MICU3: variants seen among roughly 807,000 people sequenced by gnomAD.
MICU3 encodes the protein mitochondrial calcium uptake 3.
MICU3 carries 62 observed loss-of-function variants against 66.5 expected under a neutral mutation model. That is an observed-to-expected ratio of 0.93 (90% CI 0.76 to 1.15). The LOEUF (loss-of-function observed/expected upper bound fraction) is 1.15. Ranked by LOEUF, MICU3 falls within the 50% of genes most tolerant of loss-of-function variation. The pLI is 0.00. For synonymous variants in MICU3, 308 were observed against 240.7 expected (o/e 1.28, Z -2.59); for missense variants, 779 against 664.4 (o/e 1.17, Z -1.90).
the MICU3 span, among the ~76,000 whole-genome samples, chr8:17,138,155 T>C: frequency 6.6e-6 from 1 of 152,114 alleles, no homozygotes; most frequent in African/African-American, 2.4e-5. Flanking sequence ...GAGAATTTGA[T>C]GTTTAAAGAG....
Position 17,053,739 on chromosome 8 carries a change from AT to A in MICU3, c.382-10343del, listed in dbSNP as rs796513637. On this transcript the variant is annotated intron_variant, in intron 1 of 14. Coordinates refer to ENST00000318063, the MANE Select transcript of MICU3 (RefSeq NM_181723.3). ...GTATATTTTTATCATTTCAACGTAA[AT>A]TCTCATAAATAGCTCACAATTTCTC... Among the ~76,000 whole-genome samples, 45 of 152,340 alleles carry A rather than the reference AT, an allele frequency of 3.0e-4. 2 individuals are homozygous for A. Among genetic ancestry groups the A allele is most frequent in the African/African-American group, 1.0e-3 (43 of 41,586 alleles).
intron 5 of MICU3, among the ~76,000 whole-genome samples, chr8:17,084,002 T>A (rs866464735): frequency 2.0e-5 from 3 of 152,064 alleles, no homozygotes; most frequent in South Asian, 2.1e-4. Context: ...TTAGGATCTT[T>A]GGGTGCTGTG....
At chr8:17,047,846 T>G (rs1815352234) in intron 1 of MICU3, among the ~76,000 whole-genome samples, 1 of 152,078 alleles carries the variant, frequency 6.6e-6, no homozygotes, top group South Asian at 2.1e-4. Flanking sequence ...TGAATTAACA[T>G]AAAAAGGGGT....
intron 7 of MICU3, among the ~76,000 whole-genome samples, 163 bp from the exon 8 acceptor site, chr8:17,090,383 C>A (rs1799923932): frequency 6.6e-6 from 1 of 152,058 alleles, no homozygotes; most frequent in African/African-American, 2.4e-5. Flanking sequence ...TCATCTTTAA[C>A]ATTTATCCCA....
chr8:17,045,622 A>G (rs1585209209), intron 1 of MICU3, among the ~76,000 whole-genome samples: 1 of 152,356 alleles, frequency 6.6e-6, no homozygotes, highest in African/African-American at 2.4e-5. Flanking sequence ...CCGGGCTGGC[A>G]GGGAAGCTGC....
intron 11 of MICU3, among the ~76,000 whole-genome samples, chr8:17,108,780 G>A (rs539690618): frequency 4.6e-5 from 7 of 152,104 alleles, no homozygotes; most frequent in Admixed American, 3.3e-4. Flanking sequence ...CTGTGATTTC[G>A]ATCATACCAC....
At chr8:17,118,042 C>T (rs1802850680) in intron 13 of MICU3, among the ~76,000 whole-genome samples, 1 of 152,140 alleles carries the variant, frequency 6.6e-6, no homozygotes, top group Non-Finnish European at 1.5e-5. Flanking sequence ...ACTTAACTGC[C>T]ACCTGGTGGT....
chr8:17,116,660 C>T (rs2150837672), intron 13 of MICU3, 60 bp downstream of exon 13: 1 of 1,187,960 alleles, frequency 8.4e-7, no homozygotes, highest in Non-Finnish European at 1.2e-6. Flanking sequence ...GAAATCAATC[C>T]ATCTAAGTTG....
intron 1 of MICU3, among the ~76,000 whole-genome samples, chr8:17,052,294 GATCAA>G (rs1816230847): frequency 6.6e-6 from 1 of 151,946 alleles, no homozygotes; most frequent in Non-Finnish European, 1.5e-5. Flanking sequence ...AGTATGTAAT[GATCAA>G]ATCAAGGTAT....
At chr8:17,096,955 T>TTGTGTGTGTGTGTGTG (rs3988378) in intron 8 of MICU3, among the ~76,000 whole-genome samples, 10 of 141,548 alleles carry the variant, frequency 7.1e-5, no homozygotes, top group African/African-American at 1.8e-4. Context: ...CTAAATATAT[T>TTGTGTGTGTGTGTGTG]TGTGTGTGTG....
intron 14 of MICU3, among the ~76,000 whole-genome samples, chr8:17,120,039 A>G (rs1288176596): frequency 1.4e-4 from 21 of 152,194 alleles, no homozygotes; most frequent in Admixed American, 1.4e-3. Flanking sequence ...CACTGGCACC[A>G]CTGATTCTAA....
chr8:17,037,621 A>G lies in MICU3; in HGVS notation c.381+9961A>G, dbSNP rs1382865255. Among the ~76,000 whole-genome samples the G allele has an allele frequency of 3.9e-5, 6 of 152,176 alleles. No individual in the cohort carries two copies. In the East Asian group the frequency reaches 1.2e-3, roughly 29 times the overall value. ...GGATATGTGGGGTCAGAGCCCACAC[A>G]CAGAGTTCCCACTGGGCACTGCCTA... On this transcript the variant is annotated intron_variant, in intron 1 of 14. Coordinates refer to ENST00000318063, the MANE Select transcript of MICU3 (RefSeq NM_181723.3).
intron 1 of MICU3, among the ~76,000 whole-genome samples, chr8:17,052,938 A>G (rs1563298678): frequency 6.6e-6 from 1 of 152,184 alleles, no homozygotes; most frequent in Non-Finnish European, 1.5e-5. Flanking sequence ...AATTTGCAAG[A>G]TTATTTTTTA....
chr8:17,053,978 C>G (rs764110367), intron 1 of MICU3, among the ~76,000 whole-genome samples: 5 of 152,274 alleles, frequency 3.3e-5, no homozygotes, highest in Middle Eastern at 3.4e-3. Flanking sequence ...TACTGTGTGG[C>G]CTCACACTTA....
In MICU3 at chr8:17,033,776, G is replaced by A. The variant is rs114174890; in HGVS notation, c.381+6116G>A. 9.1e-3 allele frequency among the ~76,000 whole-genome samples: 1,388 copies of A among 152,270 alleles called. 25 individuals carry two copies. Among genetic ancestry groups the A allele is most frequent in the African/African-American group, 0.032 (1,310 of 41,550 alleles). ...TTTTAAAGTTGTGAAAAGTAAGGAA[G>A]CTGCAGAAGAAAAGTTGGAAGTTAG... is the stretch of plus-strand genomic sequence containing the variant. On this transcript the variant is annotated intron_variant, in intron 1 of 14. Transcript: ENST00000318063.
At chr8:17,066,538 T>G (rs942677651) in intron 2 of MICU3, among the ~76,000 whole-genome samples, 5,728 of 127,714 alleles carry the variant, frequency 0.045, 179 homozygotes, top group Non-Finnish European at 0.061. Flanking sequence ...TATATATATA[T>G]ATAGATTTTT....
At chr8:17,072,865 T>A (rs1202801400) in intron 3 of MICU3, among the ~76,000 whole-genome samples, 1 of 152,110 alleles carries the variant, frequency 6.6e-6, no homozygotes, top group African/African-American at 2.4e-5. Context: ...AGGAACCAGG[T>A]CAGAATATAA....
At chr8:17,066,468 AT>A (rs1367805291) in intron 2 of MICU3, among the ~76,000 whole-genome samples, 3 of 145,668 alleles carry the variant, frequency 2.1e-5, no homozygotes, top group Non-Finnish European at 4.5e-5. Flanking sequence ...AAATTCTATA[AT>A]TTTTTCAAAC....
At chr8:17,081,190 A>C (rs1193174870) in intron 4 of MICU3, among the ~76,000 whole-genome samples, 1 of 152,142 alleles carries the variant, frequency 6.6e-6, no homozygotes, top group Non-Finnish European at 1.5e-5. Flanking sequence ...TTGAAAGCAG[A>C]AAAGTGGTAA....
Sources: allele counts gnomAD v4.1 joint callset (sites outside exome capture counted in the v4.1 genomes callset), GRCh38; gene constraint gnomAD v4.1.1; transcripts MANE v1.5; gene names NCBI Gene and HGNC (gene_info 2026-07-23, HGNC 2026-07-21).